The following CUX2 variants were observed in gnomAD, a reference collection of about 807,000 sequenced individuals.
CUX2 encodes the protein homeobox protein cut-like 2.
Under a neutral mutation model 144.8 loss-of-function variants are expected in CUX2, and 40 were observed. The observed-to-expected ratio is 0.28, with a 90% CI of 0.21 to 0.36. CUX2 has a LOEUF of 0.36. Among genes scored for constraint, CUX2 ranks in the 10% least tolerant of loss-of-function variants. The probability of loss-of-function intolerance (pLI) is 1.00; values close to 1 mark genes in which losing one functional copy is unlikely to be tolerated. For missense variants in CUX2, 1,615 were observed against 1,994.0 expected, an observed-to-expected ratio of 0.81 and a Z score of 3.62; for synonymous variants, 827 against 875.6, an observed-to-expected ratio of 0.94 and a Z score of 0.98.
Position 111,320,856 on chromosome 12 carries a change from C to T in CUX2, c.2766+81C>T, listed in dbSNP as rs892318081. 14 of 1,369,956 alleles carry T rather than the reference C, an allele frequency of 1.0e-5. No individual in the cohort carries two copies. In the Admixed American group the frequency reaches 1.9e-4, roughly 19 times the overall value. The allele number at this position is 1,369,956 out of a possible 1,614,324, so 84.9% of individuals were successfully genotyped here. ...TAGGATGCCCACCCAAGCAGGCTGG[C>T]GGGACCCCAGGGGCCCAGGCCCTTC... On this transcript the variant is annotated intron_variant, in intron 17 of 21. Coordinates refer to ENST00000261726, the MANE Select transcript of CUX2 (RefSeq NM_015267.4). This position sits in a 1 kb window ranked among gnomAD's most constrained non-coding sequence, Gnocchi z 8.1.
intron 1 of CUX2, among the ~76,000 whole-genome samples, chr12:111,211,189 G>T (rs567520613): frequency 1.2e-4 from 18 of 152,198 alleles, no homozygotes; most frequent in African/African-American, 2.7e-4. Flanking sequence ...AAGAATTCAG[G>T]GTTGAAGGAC....
rs1265171854 is a variant in CUX2 at position 111,310,674 on chromosome 12, G to A, written c.1892G>A (p.Arg631Gln). The change falls in exon 15 of 22, where the codon CGG (arginine) becomes CAG (glutamine). Residue 631 changes from arginine to glutamine, a missense_variant. By Grantham distance (43) the Arg-to-Gln change is conservative (BLOSUM62 1). Around this residue, in one of 12 missense-constraint regions of CUX2, gnomAD observed 71 missense variants for 142.3 expected, o/e 0.50. Coordinates refer to ENST00000261726, the MANE Select transcript of CUX2 (RefSeq NM_015267.4). The surrounding 1 kb of genome is among the most constrained non-coding windows in gnomAD (Gnocchi z 7.9). ...CTGGCGCTCAGGACCATCCAAGTGC[G>A]GCAGCGAGGTGAGTGCCCAAGAGGG... ...NVLALRTIQV[R>Q]QRGSITPRIR... 15 of 1,585,152 alleles carry A rather than the reference G, an allele frequency of 9.5e-6. No individual in the cohort carries two copies. Among genetic ancestry groups the A allele is most frequent in the Admixed American group, 1.7e-5 (1 of 59,174 alleles).
chr12:111,180,529 C>T (rs75553577), intron 1 of CUX2, among the ~76,000 whole-genome samples: 2,192 of 152,338 alleles, frequency 0.014, 22 homozygotes, highest in Non-Finnish European at 0.024. Flanking sequence ...TCTTTGGATT[C>T]GTGTCAACAT....
intron 1 of CUX2, among the ~76,000 whole-genome samples, chr12:111,205,238 G>A (rs761726577): frequency 3.9e-5 from 6 of 152,014 alleles, no homozygotes; most frequent in Admixed American, 6.6e-5. Flanking sequence ...GCCCTCTGAG[G>A]CCCCTCTGAA....
intron 1 of CUX2, among the ~76,000 whole-genome samples, chr12:111,155,254 TG>T (rs1877300869): frequency 6.6e-6 from 1 of 152,050 alleles, no homozygotes; most frequent in Admixed American, 6.6e-5. Context: ...ATCTGTCAAA[TG>T]GGTACAAAAA....
chr12:111,255,291 A>G lies in CUX2; in HGVS notation c.223-8470A>G, dbSNP rs1380383816. ...ACTGAGAACCCAGTTTGACAACAGT[A>G]GCTATCAAAAACAAAAGTCAAACTT... On this transcript the variant is annotated intron_variant, in intron 3 of 21. Coordinates refer to ENST00000261726, the MANE Select transcript of CUX2 (RefSeq NM_015267.4). This position sits in a 1 kb window ranked among gnomAD's most constrained non-coding sequence, Gnocchi z 4.1. Among the ~76,000 whole-genome samples the G allele has an allele frequency of 1.3e-5, 2 of 152,244 alleles. No homozygotes were observed. Among genetic ancestry groups the G allele is most frequent in the Non-Finnish European group, 2.9e-5 (2 of 68,038 alleles).
chr12:111,069,551 T>C lies in CUX2; in HGVS notation c.63+35311T>C, dbSNP rs564121020. On this transcript the variant is annotated intron_variant, in intron 1 of 21. Coordinates refer to ENST00000261726, the MANE Select transcript of CUX2 (RefSeq NM_015267.4). ...GTGTGTGTGTGTGTGTGTGTGTGTGTGCGCGCGCGTGTGTGTGTGTTATTT... is the reference window on the plus strand; with the variant it reads ...GTGTGTGTGTGTGTGTGTGTGTGTGCGCGCGCGCGTGTGTGTGTGTTATTT... Among the ~76,000 whole-genome samples, 851 of 146,572 alleles carry C rather than the reference T, an allele frequency of 5.8e-3. 9 individuals carry two copies. Among genetic ancestry groups the C allele is most frequent in the East Asian group, 0.026 (132 of 5,088 alleles).
chr12:111,236,665 C>T (rs891381645), intron 3 of CUX2, among the ~76,000 whole-genome samples: 1 of 152,080 alleles, frequency 6.6e-6, no homozygotes, highest in Non-Finnish European at 1.5e-5. Flanking sequence ...AAGAGAAATG[C>T]CCAGAAGACA....
chr12:111,067,190 A>G (rs1343624428), intron 1 of CUX2, among the ~76,000 whole-genome samples: 1 of 152,210 alleles, frequency 6.6e-6, no homozygotes, highest in Non-Finnish European at 1.5e-5. Flanking sequence ...ACCCAGGAAG[A>G]CAGGGAAGCT....
intron 1 of CUX2, among the ~76,000 whole-genome samples, chr12:111,043,706 G>A (rs977895385): frequency 4.6e-5 from 7 of 152,150 alleles, no homozygotes; most frequent in African/African-American, 1.7e-4. Context: ...CCAGCACTCC[G>A]GGAGGTACCA....
At chr12:111,306,602 C>T (rs1886594563) in intron 10 of CUX2, among the ~76,000 whole-genome samples, 1 of 152,186 alleles carries the variant, frequency 6.6e-6, no homozygotes, top group South Asian at 2.1e-4. Context: ...AGGAGCCAGA[C>T]CTGAGAAAGA....
chr12:111,084,918 T>G (rs1202945553), intron 1 of CUX2, among the ~76,000 whole-genome samples: 3 of 152,098 alleles, frequency 2.0e-5, no homozygotes, highest in East Asian at 3.9e-4. Context: ...CTCCCATTCT[T>G]CCTCTTCTCA....
intron 3 of CUX2, among the ~76,000 whole-genome samples, chr12:111,244,116 A>T (rs1166112617): frequency 1.3e-5 from 2 of 151,366 alleles, no homozygotes; most frequent in Non-Finnish European, 2.9e-5. Flanking sequence ...TTGTTTTTTT[A>T]AAGAGGCAGA....
chr12:111,054,224 C>T (rs531178425), intron 1 of CUX2, among the ~76,000 whole-genome samples: 30 of 152,278 alleles, frequency 2.0e-4, no homozygotes, highest in South Asian at 6.2e-4. Flanking sequence ...CTGGCGTCCC[C>T]GGGCCTGCAT....
chr12:111,330,694 T>TAC (rs1565926036), intron 18 of CUX2, among the ~76,000 whole-genome samples: 100 of 4,744 alleles, frequency 0.021, 2 homozygotes, highest in African/African-American at 0.09. Flanking sequence ...TACATATATA[T>TAC]ATATATATAT....
rs371358726 is a variant in CUX2, at chr12:111,347,798, G to T, written c.3934G>T (p.Gly1312Cys). 6.2e-7 allele frequency: 1 copy of T among 1,613,598 alleles called. No homozygotes were observed. Among genetic ancestry groups the T allele is most frequent in the Admixed American group, 1.7e-5 (1 of 59,982 alleles). ...QMEEDAEEEA[G>C]SQPQDSGELD... ...GGAGGAGGATGCTGAGGAAGAGGCA[G>T]GCAGCCAGCCCCAGGACTCAGGGGA... Residue 1312 changes from glycine (G) to cysteine (C), a missense_variant, in exon 22 of 22, where the codon GGC becomes TGC. Physicochemically the swap from Gly to Cys is radical, Grantham distance 159 (BLOSUM62 -3). Around this residue, in one of 12 missense-constraint regions of CUX2, gnomAD observed 298 missense variants for 330.4 expected, o/e 0.90. Transcript: ENST00000261726.
intron 1 of CUX2, among the ~76,000 whole-genome samples, chr12:111,089,637 G>A (rs1385126076): frequency 3.3e-5 from 5 of 152,228 alleles, no homozygotes; most frequent in African/African-American, 1.2e-4. Context: ...TCTGCAGGAG[G>A]CAGCATCGAA....
chr12:111,104,895 A>C (rs1873497079), intron 1 of CUX2, among the ~76,000 whole-genome samples: 1 of 152,066 alleles, frequency 6.6e-6, no homozygotes, highest in Admixed American at 6.6e-5. Context: ...GAGAATGTGG[A>C]TGCTTCTTTT....
chr12:111,083,878 G>A (rs560048758), intron 1 of CUX2, among the ~76,000 whole-genome samples: 13 of 152,214 alleles, frequency 8.5e-5, no homozygotes, highest in African/African-American at 1.4e-4. Flanking sequence ...CCCAGAGAAC[G>A]TGCTTGTTCA....
Sources: gnomAD v4.1 joint callset for allele counts (sites outside exome capture counted in the v4.1 genomes callset) on GRCh38, gnomAD v4.1.1 for gene constraint, gnomAD v4.1.1 regional missense constraint, Gnocchi (gnomAD v3.1) non-coding constraint, MANE v1.5 for transcripts, NCBI Gene and HGNC (gene_info 2026-07-23, HGNC 2026-07-21) for gene names.